Variants in AUTS2 observed in about 807,000 individuals in gnomAD.
AUTS2 encodes activator of transcription and developmental regulator AUTS2.
Under a neutral mutation model 112.4 loss-of-function variants are expected in AUTS2, and 17 were observed. That is an observed-to-expected ratio of 0.15 (90% CI 0.10 to 0.23). AUTS2 has a LOEUF of 0.23. Among genes scored for constraint, AUTS2 ranks in the 10% least tolerant of loss-of-function variants. The probability of loss-of-function intolerance (pLI) is 1.00; values close to 1 mark genes in which losing one functional copy is unlikely to be tolerated. For missense variants in AUTS2, 1,510 were observed against 1,701.6 expected, an observed-to-expected ratio of 0.89 and a Z score of 1.98; for synonymous variants, 751 against 702.7, an observed-to-expected ratio of 1.07 and a Z score of -1.09.
intron 2 of AUTS2, among the ~76,000 whole-genome samples, chr7:70,054,766 A>G (rs1258898908): frequency 2.6e-5 from 4 of 152,174 alleles, no homozygotes; most frequent in African/African-American, 9.7e-5. Flanking sequence ...TTCCAGAACT[A>G]TTGACTAATA....
intron 5 of AUTS2, among the ~76,000 whole-genome samples, chr7:70,581,631 C>G (rs1001412311): frequency 6.6e-6 from 1 of 152,072 alleles, no homozygotes; most frequent in Admixed American, 6.6e-5. Flanking sequence ...CTGTTTGTTA[C>G]CCACCACAGT....
chr7:70,207,339 A>G (rs1562786457), intron 4 of AUTS2, among the ~76,000 whole-genome samples: 1 of 152,252 alleles, frequency 6.6e-6, no homozygotes, highest in Non-Finnish European at 1.5e-5. Flanking sequence ...ATAGACATTT[A>G]GCAAACCTAG....
chr7:70,284,334 T>C (rs1459846196), intron 4 of AUTS2, among the ~76,000 whole-genome samples: 1 of 152,222 alleles, frequency 6.6e-6, no homozygotes, highest in Admixed American at 6.5e-5. Flanking sequence ...GGCTGCCATG[T>C]ACTTTCTTTT....
At chr7:69,791,820 G>A (rs1380527787) in intron 1 of AUTS2, among the ~76,000 whole-genome samples, 1 of 152,214 alleles carries the variant, frequency 6.6e-6, no homozygotes, top group Non-Finnish European at 1.5e-5. Context: ...CTTTACCTAA[G>A]GCAGGGTTTC....
intron 1 of AUTS2, among the ~76,000 whole-genome samples, chr7:69,775,751 GCTGCT>G (rs1788866042): frequency 6.6e-6 from 1 of 152,164 alleles, no homozygotes; most frequent in Non-Finnish European, 1.5e-5. Flanking sequence ...GGCCGGGTGA[GCTGCT>G]AGCATTTCTG....
intron 4 of AUTS2, among the ~76,000 whole-genome samples, chr7:70,417,483 T>C (rs1338108802): frequency 3.3e-5 from 5 of 152,086 alleles, no homozygotes; most frequent in Non-Finnish European, 5.9e-5. Context: ...GAGAGAGACT[T>C]GGAGAGCACA....
intron 1 of AUTS2, among the ~76,000 whole-genome samples, chr7:69,723,750 A>G (rs1024904517): frequency 2.0e-5 from 3 of 152,212 alleles, no homozygotes; most frequent in Non-Finnish European, 4.4e-5. Context: ...TTGGTGGCAG[A>G]GTGCTAGAAA....
chr7:70,779,261 G>A (rs905587943), intron 14 of AUTS2, among the ~76,000 whole-genome samples: 2 of 152,142 alleles, frequency 1.3e-5, no homozygotes, highest in African/African-American at 2.4e-5. Flanking sequence ...CTGTAGATTT[G>A]AGCAGAAATT....
At chr7:69,670,842 G>A (rs1796286857) in intron 1 of AUTS2, among the ~76,000 whole-genome samples, 1 of 152,098 alleles carries the variant, frequency 6.6e-6, no homozygotes, top group Non-Finnish European at 1.5e-5. Context: ...ACTCCAGCCT[G>A]GGTGACTGAT....
At chr7:70,735,717 A>G (rs1428504604) in intron 6 of AUTS2, among the ~76,000 whole-genome samples, 3 of 152,136 alleles carry the variant, frequency 2.0e-5, no homozygotes, top group Non-Finnish European at 2.9e-5. Context: ...CAGGAGTGAG[A>G]GAATACTGTG....
intron 14 of AUTS2, among the ~76,000 whole-genome samples, chr7:70,777,619 C>A (rs1373489694): frequency 6.6e-6 from 1 of 152,190 alleles, no homozygotes; most frequent in East Asian, 1.9e-4. Context: ...GATTACAGTG[C>A]AAGTCACAGC....
intron 4 of AUTS2, among the ~76,000 whole-genome samples, chr7:70,398,601 A>G (rs1794190311): frequency 6.6e-6 from 1 of 152,130 alleles, no homozygotes; most frequent in South Asian, 2.1e-4. Context: ...TGCACATACT[A>G]TTATAGTTCT....
rs183674166 is a variant in AUTS2, at chr7:70,030,650, C to A, written c.523-87482C>A. Among the ~76,000 whole-genome samples, 3 of 152,216 alleles carry A rather than the reference C, an allele frequency of 2.0e-5. No individual in the cohort carries two copies. In the East Asian group the frequency reaches 5.8e-4, roughly 29 times the overall value. Reference sequence around the variant, plus strand: ...CTTAATAAAGGCAGGTGAGTTGAGCCTCTTAGTATTTGTCATACACTATGG... The same window carrying A: ...CTTAATAAAGGCAGGTGAGTTGAGCATCTTAGTATTTGTCATACACTATGG... On this transcript the variant is annotated intron_variant, in intron 2 of 18. Coordinates refer to ENST00000342771, the MANE Select transcript of AUTS2 (RefSeq NM_015570.4).
At chr7:69,761,020 C>G (rs188884026) in intron 1 of AUTS2, among the ~76,000 whole-genome samples, 1 of 152,126 alleles carries the variant, frequency 6.6e-6, no homozygotes, top group South Asian at 2.1e-4. Flanking sequence ...TTCTAAAGGT[C>G]TGCTAACTTC....
intron 4 of AUTS2, among the ~76,000 whole-genome samples, chr7:70,190,019 T>C (rs1242281568): frequency 6.6e-6 from 1 of 152,204 alleles, no homozygotes; most frequent in Non-Finnish European, 1.5e-5. Context: ...TGATGTGTGC[T>C]TAGTATCCTT....
At chr7:69,809,700 C>G (rs1212296883) in intron 1 of AUTS2, among the ~76,000 whole-genome samples, 2 of 152,116 alleles carry the variant, frequency 1.3e-5, no homozygotes, top group Non-Finnish European at 2.9e-5. Flanking sequence ...GAGCATTGTA[C>G]CCAGAGTCCA....
chr7:69,926,490 T>TCTATCTGC (rs1185466695), intron 2 of AUTS2, among the ~76,000 whole-genome samples: 2 of 148,650 alleles, frequency 1.3e-5, no homozygotes, highest in South Asian at 2.2e-4. Flanking sequence ...TATCTATCTA[T>TCTATCTGC]CTGCCTGCCT....
intron 5 of AUTS2, among the ~76,000 whole-genome samples, chr7:70,554,632 C>T (rs1275420637): frequency 2.0e-5 from 3 of 152,176 alleles, no homozygotes; most frequent in Non-Finnish European, 4.4e-5. Flanking sequence ...GGAGATTTCT[C>T]TTACCTCCAG....
At chr7:69,680,120 TATC>T (rs1796726541) in intron 1 of AUTS2, among the ~76,000 whole-genome samples, 1 of 152,248 alleles carries the variant, frequency 6.6e-6, no homozygotes, top group Admixed American at 6.5e-5. Flanking sequence ...ATGTTATTCT[TATC>T]ATGAAGTGGG....
Sources: allele counts gnomAD v4.1 joint callset (sites outside exome capture counted in the v4.1 genomes callset), GRCh38; gene constraint gnomAD v4.1.1; transcripts MANE v1.5; gene names NCBI Gene and HGNC (gene_info 2026-07-23, HGNC 2026-07-21).